Variants in EPHA3 observed in about 807,000 individuals in gnomAD.
The protein encoded by EPHA3 is EPH receptor A3.
A neutral mutation model predicts 107.1 loss-of-function variants in EPHA3; 42 were observed. The observed-to-expected ratio is 0.39, with a 90% CI of 0.31 to 0.51. The LOEUF (loss-of-function observed/expected upper bound fraction) is 0.51. Ranked by LOEUF, EPHA3 falls within the 20% of genes least tolerant of loss-of-function variation. The probability of loss-of-function intolerance (pLI) is 0.78; values close to 1 mark genes in which losing one functional copy is unlikely to be tolerated. For missense variants in EPHA3, 1,183 were observed against 1,211.2 expected, an observed-to-expected ratio of 0.98 and a Z score of 0.35; for synonymous variants, 461 against 424.8, an observed-to-expected ratio of 1.09 and a Z score of -1.05.
intron 3 of EPHA3, among the ~76,000 whole-genome samples, chr3:89,280,361 T>C (rs1705911990): frequency 6.6e-6 from 1 of 152,074 alleles, no homozygotes; most frequent in South Asian, 2.1e-4. Context: ...GAGTTAATAG[T>C]AATCAATAAA....
At chr3:89,466,984 C>T (rs1455784541) in intron 15 of EPHA3, among the ~76,000 whole-genome samples, 5 of 152,090 alleles carry the variant, frequency 3.3e-5, no homozygotes, top group Admixed American at 6.6e-5. Flanking sequence ...AAAATAAACA[C>T]AATGACTTTA....
intron 2 of EPHA3, among the ~76,000 whole-genome samples, chr3:89,164,875 A>G (rs1369444324): frequency 2.0e-5 from 3 of 152,198 alleles, no homozygotes; most frequent in Admixed American, 1.3e-4. Context: ...TGATAATACT[A>G]CATTTAAAAT....
intron 5 of EPHA3, among the ~76,000 whole-genome samples, chr3:89,354,565 T>C (rs1234975015): frequency 6.6e-6 from 1 of 151,146 alleles, no homozygotes; most frequent in African/African-American, 2.4e-5. Flanking sequence ...ACTATGACTA[T>C]GAGGTATGGC....
intron 3 of EPHA3, among the ~76,000 whole-genome samples, chr3:89,239,574 T>A (rs1456905157): frequency 1.3e-5 from 2 of 152,202 alleles, no homozygotes; most frequent in African/African-American, 4.8e-5. Flanking sequence ...ATGAAGTAAA[T>A]GGGAATTCAT....
intron 2 of EPHA3, among the ~76,000 whole-genome samples, chr3:89,182,294 T>A (rs1705458438): frequency 6.6e-6 from 1 of 151,886 alleles, no homozygotes; most frequent in Non-Finnish European, 1.5e-5. Flanking sequence ...CTGTAAAAGA[T>A]CAGTCCGGGA....
chr3:89,433,861 TAGTC>T (rs1322239336), intron 13 of EPHA3, among the ~76,000 whole-genome samples: 3 of 152,160 alleles, frequency 2.0e-5, no homozygotes, highest in Non-Finnish European at 2.9e-5. Context: ...CCAGAAAAAT[TAGTC>T]AGCCAATGTA....
intron 3 of EPHA3, among the ~76,000 whole-genome samples, chr3:89,340,536 T>G (rs1362577529): frequency 1.3e-5 from 2 of 152,254 alleles, no homozygotes; most frequent in Non-Finnish European, 2.9e-5. Context: ...TACTGCTTGC[T>G]GCAGTGCAGA....
At chr3:89,279,145 A>G (rs552940674) in intron 3 of EPHA3, among the ~76,000 whole-genome samples, 34 of 152,292 alleles carry the variant, frequency 2.2e-4, no homozygotes, top group African/African-American at 7.9e-4. Flanking sequence ...AGTGAATTAA[A>G]AATTGTTTTG....
chr3:89,434,484 C>T (rs1002827249), intron 13 of EPHA3, among the ~76,000 whole-genome samples: 1 of 152,174 alleles, frequency 6.6e-6, no homozygotes, highest in African/African-American at 2.4e-5. Flanking sequence ...TCTGAAAGTG[C>T]TGGGATTACA....
At position 89,127,209 on chromosome 3, in the gene EPHA3, T is replaced by C. The variant is rs1347546355; in HGVS notation, c.89T>C (p.Val30Ala). 1 of 1,610,494 alleles carries C rather than the reference T, an allele frequency of 6.2e-7. No homozygotes were observed. Among genetic ancestry groups the C allele is most frequent in the Non-Finnish European group, 8.5e-7 (1 of 1,177,230 alleles). The change falls in exon 2 of 17, where the codon GTC (valine) becomes GCC (alanine). Residue 30 changes from valine (V) to alanine (A), a missense_variant and splice_region_variant. By Grantham distance (64) the Val-to-Ala change is moderately conservative (BLOSUM62 0). Transcript: ENST00000336596. ...GELIPQPSNE[V>A]NLLDSKTIQG... Reference sequence around the variant, plus strand: ...GTTTGTGTATTATGTTTTATTTTAGTCAATCTACTGGATTCAAAAACAATT... The same window carrying C: ...GTTTGTGTATTATGTTTTATTTTAGCCAATCTACTGGATTCAAAAACAATT...
chr3:89,140,962 T>A (rs1285795891), intron 2 of EPHA3, among the ~76,000 whole-genome samples: 2 of 151,672 alleles, frequency 1.3e-5, no homozygotes, highest in Non-Finnish European at 3.0e-5. Context: ...TTTCGATATA[T>A]CATTTCATTT....
chr3:89,432,259 G>A (rs1009015521), intron 13 of EPHA3, among the ~76,000 whole-genome samples: 4 of 151,900 alleles, frequency 2.6e-5, no homozygotes, highest in African/African-American at 9.7e-5. Context: ...ATAAAACTAG[G>A]TATTTTCATT....
chr3:89,397,481 A>T (rs1708872266), intron 6 of EPHA3, among the ~76,000 whole-genome samples: 1 of 152,092 alleles, frequency 6.6e-6, no homozygotes, highest in African/African-American at 2.4e-5. Flanking sequence ...TATGAGGTTG[A>T]TCTCAAATTT....
At chr3:89,254,627 T>C (rs1428351668) in intron 3 of EPHA3, among the ~76,000 whole-genome samples, 2 of 152,184 alleles carry the variant, frequency 1.3e-5, no homozygotes, top group Non-Finnish European at 2.9e-5. Context: ...TCCTAACTCC[T>C]CTCCTTGCTT....
chr3:89,386,139 A>T (rs1374788250), intron 5 of EPHA3, among the ~76,000 whole-genome samples: 2 of 152,088 alleles, frequency 1.3e-5, no homozygotes, highest in Admixed American at 1.3e-4. Flanking sequence ...CTGATAATGG[A>T]GTAGAAAAGA....
At chr3:89,434,230 AT>A (rs35071595) in intron 13 of EPHA3, among the ~76,000 whole-genome samples, 3 of 152,118 alleles carry the variant, frequency 2.0e-5, no homozygotes, top group African/African-American at 7.2e-5. Flanking sequence ...TTATTTATTA[AT>A]TTTTGAGACA....
At chr3:89,413,051 T>A in intron 9 of EPHA3, 90 bp from the exon 10 acceptor site, 1 of 1,557,880 alleles carries the variant, frequency 6.4e-7, no homozygotes, top group Non-Finnish European at 8.7e-7. Context: ...GGGTAGGGAT[T>A]TTTTTAAACC....
At chr3:89,271,287 C>T (rs1705662759) in intron 3 of EPHA3, among the ~76,000 whole-genome samples, 1 of 151,894 alleles carries the variant, frequency 6.6e-6, no homozygotes, top group Non-Finnish European at 1.5e-5. Flanking sequence ...CAAAGCTTAG[C>T]TAGAAATGGC....
chr3:89,473,838 G>C (rs137959296), intron 16 of EPHA3, among the ~76,000 whole-genome samples: 2 of 152,208 alleles, frequency 1.3e-5, no homozygotes, highest in Admixed American at 1.3e-4. Flanking sequence ...ATGGAGAACT[G>C]TCCCAAAGAA....
Sources: allele counts gnomAD v4.1 joint callset (sites outside exome capture counted in the v4.1 genomes callset), GRCh38; gene constraint gnomAD v4.1.1; transcripts MANE v1.5; gene names NCBI Gene and HGNC (gene_info 2026-07-23, HGNC 2026-07-21).